USP6: variants seen among roughly 807,000 people sequenced by gnomAD.
The protein encoded by USP6 is ubiquitin specific peptidase 6.
USP6 carries 128 observed loss-of-function variants against 175.7 expected under a neutral mutation model. The ratio of observed to expected loss-of-function variants is 0.73; its 90% CI spans 0.63 to 0.84. USP6 has a LOEUF of 0.84. Ranked by LOEUF, USP6 falls within the 40% of genes least tolerant of loss-of-function variation. USP6 has a pLI of 0.00. For synonymous variants in USP6, 562 were observed against 630.6 expected (o/e 0.89, Z 1.63); for missense variants, 1,498 against 1,760.3 (o/e 0.85, Z 2.67).
intron 21 of USP6, among the ~76,000 whole-genome samples, chr17:5,138,508 A>C (rs536857388): frequency 5.3e-5 from 8 of 152,172 alleles, no homozygotes; most frequent in African/African-American, 1.9e-4. Context: ...AAGACCCTCC[A>C]ACAAGCCCCC....
chr17:5,126,449 C>G (rs1435897958), intron 6 of USP6, among the ~76,000 whole-genome samples: 3 of 152,154 alleles, frequency 2.0e-5, no homozygotes, highest in Admixed American at 1.3e-4. Context: ...TCTCAGGGCT[C>G]TAAGCAGCAG....
chr17:5,163,562 G>T (rs913401034), intron 33 of USP6, among the ~76,000 whole-genome samples: 1 of 152,132 alleles, frequency 6.6e-6, no homozygotes, highest in East Asian at 1.9e-4. Flanking sequence ...TCCTAACAAC[G>T]CCACATTGGG....
At chr17:5,129,856 G>A (rs1013627034) in intron 8 of USP6, 80 bp from the exon 9 acceptor site, 1 of 171,270 alleles carries the variant, frequency 5.8e-6, no homozygotes, top group African/African-American at 2.4e-5. Context: ...CAGCTTCACT[G>A]GTTAGACTGA....
intron 2 of USP6, among the ~76,000 whole-genome samples, chr17:5,120,273 G>T (rs1167496345): frequency 6.6e-6 from 1 of 152,088 alleles, no homozygotes; most frequent in Non-Finnish European, 1.5e-5. Flanking sequence ...GTTGGTGGTG[G>T]GGGCAAGGCA....
rs1391573788 is a variant in USP6, at chr17:5,130,691, C to T, written c.155+7C>T. 6 of 1,613,714 alleles carry T rather than the reference C, an allele frequency of 3.7e-6. No homozygotes were observed. Among genetic ancestry groups the T allele is most frequent in the Non-Finnish European group, 5.1e-6 (6 of 1,179,632 alleles). On this transcript the variant is annotated splice_region_variant and intron_variant, in intron 11 of 37. Transcript: ENST00000574788. ...ATCGTTTTGGCATTTTGCAGTGAGT[C>T]ATCCTCTATGCTCCCCTCACCCCTA... is the stretch of plus-strand genomic sequence containing the variant.
At chr17:5,138,296 C>G (rs747783642) in intron 21 of USP6, 23 bp downstream of exon 21, 3 of 1,612,448 alleles carry the variant, frequency 1.9e-6, no homozygotes, top group Admixed American at 3.3e-5. Flanking sequence ...GCCATGTCCC[C>G]TCCCATGTCA....
chr17:5,172,938 A>G lies in USP6; in HGVS notation c.4181A>G (p.Asp1394Gly), dbSNP rs752414875. ...KMADTSSTDE[D>G]SESDYEKYSM... ...GCAGACACAAGCAGTACGGATGAAG[A>G]CTCTGAGTCTGATTACGAAAAGTAC... The change falls in exon 38 of 38, where the codon GAC (aspartate) becomes GGC (glycine). Residue 1394 changes from aspartate to glycine, a missense_variant. Asp to Gly is a moderately conservative substitution (Grantham distance 94). This residue lies in a region of USP6 where 1,217 missense variants were observed against 1,500.8 expected (regional missense o/e 0.81). Transcript: ENST00000574788. 7 of 1,613,868 alleles carry G rather than the reference A, an allele frequency of 4.3e-6. No homozygotes were observed. The South Asian group carries it at 6.6e-5, about 15-fold the overall frequency.
intron 26 of USP6, 137 bp downstream of exon 26, chr17:5,145,000 T>A: frequency 1.5e-6 from 2 of 1,292,648 alleles, no homozygotes; most frequent in Non-Finnish European, 2.1e-6. Flanking sequence ...TTTCTATTTC[T>A]ATGCTTAATT....
In USP6 at chr17:5,173,026, C is replaced by G; in HGVS notation, c.*48C>G. 6.3e-7 allele frequency: 1 copy of G among 1,589,988 alleles called. No individual in the cohort carries two copies. Among genetic ancestry groups the G allele is most frequent in the Non-Finnish European group, 8.6e-7 (1 of 1,163,610 alleles). ...CAGCTTGGTGGCGAGGGAGATGACTCCTTGTAGCTGATACTTGGCAAAAGT... is the reference window on the plus strand; with the variant it reads ...CAGCTTGGTGGCGAGGGAGATGACTGCTTGTAGCTGATACTTGGCAAAAGT... On this transcript the variant is annotated 3_prime_UTR_variant, in exon 38 of 38. Transcript: ENST00000574788.
chr17:5,155,648 C>G (rs376547135), intron 31 of USP6, 42 bp downstream of exon 31: 235 of 1,562,230 alleles, frequency 1.5e-4, no homozygotes, highest in Non-Finnish European at 1.9e-4. Flanking sequence ...TTTCCAAACT[C>G]TAGAAAAATA....
chr17:5,149,584 CA>C (rs2073707339), intron 30 of USP6, among the ~76,000 whole-genome samples: 1 of 152,008 alleles, frequency 6.6e-6, no homozygotes, highest in South Asian at 2.1e-4. Context: ...TAGAAAAAAA[CA>C]AAAACCAACA....
intron 1 of USP6, among the ~76,000 whole-genome samples, chr17:5,117,515 CAAAA>C (rs59282298): frequency 3.2e-5 from 2 of 61,974 alleles, no homozygotes; most frequent in Admixed American, 1.7e-4. Flanking sequence ...GACTCCGTCT[CAAAA>C]AAAAAAAAAA....
In USP6 at chr17:5,147,206, C is replaced by A. The variant is rs1353852055; in HGVS notation, c.2431+12C>A. 5 of 1,598,846 alleles carry A rather than the reference C, an allele frequency of 3.1e-6. No individual in the cohort carries two copies. The Middle Eastern group carries it at 5.0e-4, about 159-fold the overall frequency. On this transcript the variant is annotated intron_variant, in intron 29 of 37. Coordinates refer to ENST00000574788, the MANE Select transcript of USP6 (RefSeq NM_001304284.2). ...TCCAACACAAATAGGTAAGATAGAA[C>A]TAGAACTCCTTCTCATGACTGCACC...
chr17:5,135,582 G>A (rs2073227231), intron 16 of USP6, among the ~76,000 whole-genome samples: 1 of 152,216 alleles, frequency 6.6e-6, no homozygotes, highest in South Asian at 2.1e-4. Flanking sequence ...AAAGGAGCTT[G>A]GCAGTGTCAC....
intron 30 of USP6, among the ~76,000 whole-genome samples, chr17:5,153,871 G>A (rs2073827332): frequency 6.6e-6 from 1 of 151,962 alleles, no homozygotes; most frequent in Admixed American, 6.5e-5. Context: ...GGCCAGGCTG[G>A]TCTCGCACTC....
chr17:5,173,352 C>A lies in USP6; in HGVS notation c.*374C>A. ...ATTTCCTTGGAGTCAGAGGAAAAAA[C>A]AAACAATTATAATGTTGTCTAGGGA... On this transcript the variant is annotated 3_prime_UTR_variant, in exon 38 of 38. Transcript: ENST00000574788. The A allele has an allele frequency of 4.2e-6, 1 of 236,286 alleles. No homozygotes were observed. The highest frequency in any genetic ancestry group is 6.2e-5 in the East Asian group (1 of 16,046). The allele number at this position is 236,286 out of a possible 1,614,324, so 14.6% of individuals were successfully genotyped here. A position where few individuals can be genotyped will look rare whatever the true frequency, so the allele number is the denominator to read the frequency against.
chr17:5,121,000 C>T (rs1361942588), intron 3 of USP6, among the ~76,000 whole-genome samples: 2 of 152,162 alleles, frequency 1.3e-5, no homozygotes, highest in African/African-American at 4.8e-5. Context: ...AAAATAGATC[C>T]AGGTCTCTAC....
At chr17:5,124,112 A>G (rs1272832959) in intron 4 of USP6, among the ~76,000 whole-genome samples, 2 of 152,226 alleles carry the variant, frequency 1.3e-5, no homozygotes, top group Admixed American at 1.3e-4. Context: ...GACATGCTCA[A>G]CTATACGAGG....
rs146362844 is a variant in USP6 at position 5,163,392 on chromosome 17, G to C, written c.3036+388G>C. On this transcript the variant is annotated intron_variant, in intron 33 of 37. Transcript: ENST00000574788. The stretch of plus-strand genomic sequence containing the variant: ...GAAGAGCAAAGGAGAACAGACACAG[G>C]CAAGAGGGAGGACCAAACAGGAGGA... 4.6e-3 allele frequency among the ~76,000 whole-genome samples: 705 copies of C among 152,296 alleles called. 7 individuals are homozygous for C. The highest frequency in any genetic ancestry group is 0.015 in the African/African-American group (615 of 41,566).
Sources: gnomAD v4.1 joint callset for allele counts (sites outside exome capture counted in the v4.1 genomes callset) on GRCh38, gnomAD v4.1.1 for gene constraint, gnomAD v4.1.1 regional missense constraint, MANE v1.5 for transcripts, NCBI Gene and HGNC (gene_info 2026-07-23, HGNC 2026-07-21) for gene names.